The following CPNE8 variants were observed in gnomAD, a reference collection of about 807,000 sequenced individuals.
The protein encoded by CPNE8 is copine-8.
Under a neutral mutation model 81.5 loss-of-function variants are expected in CPNE8, and 45 were observed. The observed-to-expected ratio is 0.55, with a 90% CI of 0.44 to 0.71. The LOEUF (loss-of-function observed/expected upper bound fraction) is 0.71, where lower values mean the gene tolerates loss of function less well. Ranked by LOEUF, CPNE8 falls within the 30% of genes least tolerant of loss-of-function variation. The probability of loss-of-function intolerance (pLI) is 0.00; values close to 1 mark genes in which losing one functional copy is unlikely to be tolerated. For synonymous variants in CPNE8, 252 were observed against 226.3 expected (o/e 1.11, Z -1.02); for missense variants, 594 against 672.1 (o/e 0.88, Z 1.28).
At chr12:38,816,183 A>G (rs1943021115) in intron 6 of CPNE8, among the ~76,000 whole-genome samples, 1 of 152,222 alleles carries the variant, frequency 6.6e-6, no homozygotes, top group African/African-American at 2.4e-5. Context: ...AAACAAGTGC[A>G]AAGTTATAAT....
intron 5 of CPNE8, among the ~76,000 whole-genome samples, chr12:38,837,384 C>T (rs1443521780): frequency 1.3e-5 from 2 of 152,032 alleles, no homozygotes; most frequent in African/African-American, 2.4e-5. Flanking sequence ...GAGTTTTAGG[C>T]TTCTGTGGAG....
chr12:38,826,878 A>T lies in CPNE8; in HGVS notation c.407+2501T>A, dbSNP rs1943202805. On this transcript the variant is annotated intron_variant, in intron 6 of 19. Coordinates refer to ENST00000331366, the MANE Select transcript of CPNE8 (RefSeq NM_153634.3). ...TAAAATTACTAATTTAAAAATATGTATACCACATAGGCTGGGTGCAGTGGC... is the reference window on the plus strand; with the variant it reads ...TAAAATTACTAATTTAAAAATATGTTTACCACATAGGCTGGGTGCAGTGGC... Among the ~76,000 whole-genome samples the T allele has an allele frequency of 2.6e-5, 4 of 152,130 alleles. No homozygotes were observed. In the South Asian group the frequency reaches 8.3e-4, roughly 32 times the overall value.
At chr12:38,658,116 T>G (rs1479767868) in intron 19 of CPNE8, among the ~76,000 whole-genome samples, 3 of 152,048 alleles carry the variant, frequency 2.0e-5, no homozygotes, top group African/African-American at 7.2e-5. Flanking sequence ...TAAAAAAGCA[T>G]GTTCTAACCC....
intron 13 of CPNE8, among the ~76,000 whole-genome samples, chr12:38,703,959 A>T (rs1487748220): frequency 6.6e-6 from 1 of 152,204 alleles, no homozygotes; most frequent in Non-Finnish European, 1.5e-5. Flanking sequence ...GCCAACTTGG[A>T]TATAGCTGGA....
chr12:38,810,827 G>A (rs1942921148), intron 6 of CPNE8, among the ~76,000 whole-genome samples: 1 of 152,018 alleles, frequency 6.6e-6, no homozygotes, highest in Non-Finnish European at 1.5e-5. Flanking sequence ...CATGTTGTTG[G>A]CAAAATTCAT....
chr12:38,795,669 A>C (rs1373061596), intron 6 of CPNE8, among the ~76,000 whole-genome samples: 1 of 152,180 alleles, frequency 6.6e-6, no homozygotes, highest in Non-Finnish European at 1.5e-5. Flanking sequence ...AAAGTAATCA[A>C]ATTTATAGAA....
rs145999503 is a variant in CPNE8 at position 38,703,881 on chromosome 12, C to T, written c.915-960G>A. On this transcript the variant is annotated intron_variant, in intron 13 of 19. Coordinates refer to ENST00000331366, the MANE Select transcript of CPNE8 (RefSeq NM_153634.3). ...ACACACACAAATATCTAGAATAAAT[C>T]TAACCGAGGGAGTGAAAATCTAACC... is the stretch of plus-strand genomic sequence containing the variant. 2.0e-4 allele frequency among the ~76,000 whole-genome samples: 31 copies of T among 152,174 alleles called. No homozygotes were observed. The East Asian group carries it at 6.0e-3, about 29-fold the overall frequency.
intron 11 of CPNE8, among the ~76,000 whole-genome samples, chr12:38,727,708 A>T (rs1236403838): frequency 6.6e-6 from 1 of 151,730 alleles, no homozygotes; most frequent in Admixed American, 6.6e-5. Flanking sequence ...ATCTGAGGCA[A>T]GTAAGAGGCT....
At chr12:38,760,821 G>A (rs1210120007) in intron 10 of CPNE8, 26 bp downstream of exon 10, 1 of 1,573,310 alleles carries the variant, frequency 6.4e-7, no homozygotes, top group East Asian at 2.3e-5. Context: ...CCCAGTTCAA[G>A]AGTAAGAAGA....
chr12:38,742,468 G>C (rs1392815738), intron 10 of CPNE8, among the ~76,000 whole-genome samples: 1 of 148,572 alleles, frequency 6.7e-6, no homozygotes, highest in African/African-American at 2.4e-5. Context: ...TCACAGGTTG[G>C]AACTGAACAA....
chr12:38,745,645 C>T (rs1290477718), intron 10 of CPNE8, among the ~76,000 whole-genome samples: 7 of 152,094 alleles, frequency 4.6e-5, no homozygotes, highest in Admixed American at 6.6e-5. Context: ...TGGGCTCAAG[C>T]GATCCTCCCA....
chr12:38,653,922 G>T lies in CPNE8; in HGVS notation c.1655C>A (p.Pro552Gln), dbSNP rs955206180. Reference sequence around the variant, plus strand: ...TAACACATGTGTAGGTGGGGTGTATGGGGGAGGCGCAGGTGATGGCTTGAT... The same window carrying T: ...TAACACATGTGTAGGTGGGGTGTATTGGGGAGGCGCAGGTGATGGCTTGAT... ...RGIKPSPAPP[P>Q]YTPPTHVLQT... Residue 552 changes from proline to glutamine, a missense_variant, in exon 20 of 20, where the codon CCA becomes CAA. Physicochemically the swap from Pro to Gln is moderately conservative, Grantham distance 76 (BLOSUM62 -1). Coordinates refer to ENST00000331366, the MANE Select transcript of CPNE8 (RefSeq NM_153634.3). 1 of 1,613,468 alleles carries T rather than the reference G, an allele frequency of 6.2e-7. No homozygotes were observed.
At chr12:38,863,796 T>G (rs1470525369) in intron 3 of CPNE8, among the ~76,000 whole-genome samples, 1 of 152,128 alleles carries the variant, frequency 6.6e-6, no homozygotes, top group African/African-American at 2.4e-5. Flanking sequence ...CTCACGCCTG[T>G]GGTCCCAGCA....
intron 10 of CPNE8, among the ~76,000 whole-genome samples, chr12:38,748,650 G>A (rs1030109753): frequency 5.3e-5 from 8 of 151,812 alleles, no homozygotes; most frequent in African/African-American, 1.4e-4. Context: ...ACAGGCACCC[G>A]CCACCACGCC....
At chr12:38,758,747 T>C (rs938952335) in intron 10 of CPNE8, among the ~76,000 whole-genome samples, 2 of 152,176 alleles carry the variant, frequency 1.3e-5, no homozygotes, top group Admixed American at 1.3e-4. Context: ...AATCATATCC[T>C]GAATAGGAAT....
chr12:38,849,081 C>T (rs941714922), intron 3 of CPNE8, among the ~76,000 whole-genome samples: 2 of 152,070 alleles, frequency 1.3e-5, no homozygotes, highest in African/African-American at 4.8e-5. Context: ...TTATACATAA[C>T]AGTCCCATAT....
At chr12:38,704,558 G>C (rs1592022984) in intron 13 of CPNE8, among the ~76,000 whole-genome samples, 1 of 151,848 alleles carries the variant, frequency 6.6e-6, no homozygotes. Context: ...GAAAGTCAGA[G>C]CTTACTCTAG....
At chr12:38,708,683 A>C (rs1162362531) in intron 13 of CPNE8, among the ~76,000 whole-genome samples, 1 of 152,204 alleles carries the variant, frequency 6.6e-6, no homozygotes, top group Non-Finnish European at 1.5e-5. Context: ...ATCTTTCCAA[A>C]AGCTGTGAAT....
chr12:38,865,891 A>G (rs1943905944), intron 3 of CPNE8, among the ~76,000 whole-genome samples: 1 of 152,354 alleles, frequency 6.6e-6, no homozygotes, highest in Non-Finnish European at 1.5e-5. Context: ...GCACAGAGCT[A>G]ATAGACTTCA....
Sources: gnomAD v4.1 joint callset for allele counts (sites outside exome capture counted in the v4.1 genomes callset) on GRCh38, gnomAD v4.1.1 for gene constraint, MANE v1.5 for transcripts, NCBI Gene and HGNC (gene_info 2026-07-23, HGNC 2026-07-21) for gene names.